Variants in MEI4 observed in about 807,000 individuals in gnomAD.
MEI4 encodes meiosis-specific protein MEI4.
In MEI4, 27 loss-of-function variants were observed where a neutral mutation model predicts 31.4. That is an observed-to-expected ratio of 0.86 (90% CI 0.63 to 1.19). The LOEUF (loss-of-function observed/expected upper bound fraction) is 1.19, where lower values mean the gene tolerates loss of function less well. Among genes scored for constraint, MEI4 ranks in the 50% most tolerant of loss-of-function variants. MEI4 has a pLI of 0.00. For synonymous variants in MEI4, 122 were observed against 145.4 expected, an observed-to-expected ratio of 0.84 and a Z score of 1.16; for missense variants, 329 against 398.9, an observed-to-expected ratio of 0.82 and a Z score of 1.49.
chr6:77,804,559 G>A (rs1284575709), intron 3 of MEI4, among the ~76,000 whole-genome samples: 2 of 152,178 alleles, frequency 1.3e-5, no homozygotes, highest in African/African-American at 4.8e-5. Context: ...GCTGGGATCT[G>A]TAGACTGGAG....
At chr6:77,783,054 A>T (rs551065467) in intron 3 of MEI4, among the ~76,000 whole-genome samples, 1 of 152,310 alleles carries the variant, frequency 6.6e-6, no homozygotes, top group Non-Finnish European at 1.5e-5. Context: ...AACCTTCTGC[A>T]TGCTCAAGGG....
At chr6:77,834,400 T>C (rs2127712804) in intron 4 of MEI4, among the ~76,000 whole-genome samples, 1 of 147,674 alleles carries the variant, frequency 6.8e-6, no homozygotes, top group Admixed American at 6.8e-5. Context: ...TTATATATAA[T>C]ATAAAATTAT....
chr6:77,784,933 G>A (rs973093847), intron 3 of MEI4, among the ~76,000 whole-genome samples: 1 of 152,090 alleles, frequency 6.6e-6, no homozygotes, highest in East Asian at 1.9e-4. Flanking sequence ...AAGTTCCCAA[G>A]AACTCAGTTG....
intron 2 of MEI4, among the ~76,000 whole-genome samples, chr6:77,697,932 T>G (rs1433455060): frequency 6.6e-6 from 1 of 152,184 alleles, no homozygotes; most frequent in African/African-American, 2.4e-5. Context: ...AGGACTTGCT[T>G]TATGAATCTG....
At chr6:77,842,010 C>T (rs6907524) in intron 4 of MEI4, among the ~76,000 whole-genome samples, 2,876 of 152,140 alleles carry the variant, frequency 0.019, 63 homozygotes, top group East Asian at 0.087. Context: ...CATTACTCCT[C>T]TCTCAGTAAT....
chr6:77,777,054 A>C (rs1458011435), intron 3 of MEI4, among the ~76,000 whole-genome samples: 1 of 152,162 alleles, frequency 6.6e-6, no homozygotes, highest in Non-Finnish European at 1.5e-5. Flanking sequence ...TAAAGTATAC[A>C]CTGGAAGCTT....
At chr6:77,681,741 C>CT (rs1320687098) in intron 1 of MEI4, among the ~76,000 whole-genome samples, 1 of 151,998 alleles carries the variant, frequency 6.6e-6, no homozygotes, top group Admixed American at 6.6e-5. Context: ...TTAGTTAACT[C>CT]TTTTTTCAAC....
intron 3 of MEI4, among the ~76,000 whole-genome samples, chr6:77,805,718 G>A (rs1226771557): frequency 2.0e-5 from 3 of 152,036 alleles, no homozygotes; most frequent in African/African-American, 7.2e-5. Context: ...AAGGATAATG[G>A]TAAATAGATT....
intron 2 of MEI4, among the ~76,000 whole-genome samples, chr6:77,730,337 T>G (rs922827371): frequency 1.3e-5 from 2 of 152,160 alleles, no homozygotes; most frequent in African/African-American, 4.8e-5. Context: ...GACTTTGACC[T>G]TATTCTATAG....
intron 3 of MEI4, among the ~76,000 whole-genome samples, chr6:77,765,898 G>T (rs1768162104): frequency 1.3e-5 from 2 of 152,110 alleles, no homozygotes; most frequent in African/African-American, 2.4e-5. Flanking sequence ...GATGAAGCTG[G>T]AAACCATCAT....
intron 3 of MEI4, among the ~76,000 whole-genome samples, chr6:77,777,877 A>T (rs575448481): frequency 6.6e-6 from 1 of 152,142 alleles, no homozygotes; most frequent in Non-Finnish European, 1.5e-5. Context: ...TTTTCAGGGA[A>T]TTAAAAAAAC....
At chr6:77,875,954 T>C (rs2127726975) in intron 4 of MEI4, among the ~76,000 whole-genome samples, 1 of 152,236 alleles carries the variant, frequency 6.6e-6, no homozygotes, top group East Asian at 1.9e-4. Context: ...TTTCAAGTCC[T>C]TTTTCTGGAA....
intron 2 of MEI4, among the ~76,000 whole-genome samples, chr6:77,699,727 T>G (rs11753540): frequency 2.6e-5 from 4 of 152,196 alleles, no homozygotes; most frequent in Non-Finnish European, 4.4e-5. Context: ...CTTTTGGTCT[T>G]TGATGATGGT....
At chr6:77,783,617 C>T (rs1768651548) in intron 3 of MEI4, among the ~76,000 whole-genome samples, 1 of 147,556 alleles carries the variant, frequency 6.8e-6, no homozygotes, top group South Asian at 2.1e-4. Context: ...AATATAAGAT[C>T]AATTTTAGTC....
intron 4 of MEI4, among the ~76,000 whole-genome samples, chr6:77,836,611 T>C (rs903510773): frequency 2.6e-5 from 4 of 152,126 alleles, no homozygotes; most frequent in African/African-American, 9.6e-5. Context: ...TTTACTTCTC[T>C]AAAACAAACT....
chr6:77,883,717 G>GATATATAGATATAT (rs1554172071), intron 4 of MEI4, among the ~76,000 whole-genome samples: 5 of 43,322 alleles, frequency 1.2e-4, no homozygotes, highest in African/African-American at 7.5e-4. Flanking sequence ...TATTATGTAA[G>GATATATAGATATAT]ATATATATAT....
intron 2 of MEI4, among the ~76,000 whole-genome samples, chr6:77,698,192 C>A (rs184632546): frequency 1.1e-3 from 168 of 152,286 alleles, no homozygotes; most frequent in Non-Finnish European, 1.2e-3. Flanking sequence ...CTGAATATAG[C>A]ACACTGATGG....
chr6:77,723,198 C>A (rs1445567119), intron 2 of MEI4, among the ~76,000 whole-genome samples: 49 of 143,410 alleles, frequency 3.4e-4, no homozygotes, highest in African/African-American at 1.2e-3. Flanking sequence ...GGCCATATAC[C>A]CCTGTAGGGA....
At chr6:77,679,570 A>G (rs972250496) in intron 1 of MEI4, among the ~76,000 whole-genome samples, 2 of 151,524 alleles carry the variant, frequency 1.3e-5, no homozygotes, top group African/African-American at 4.9e-5. Flanking sequence ...TATGGGATGC[A>G]TGATTATACT....
Sources: gnomAD v4.1 joint callset for allele counts (sites outside exome capture counted in the v4.1 genomes callset) on GRCh38, gnomAD v4.1.1 for gene constraint, MANE v1.5 for transcripts, NCBI Gene and HGNC (gene_info 2026-07-23, HGNC 2026-07-21) for gene names.